Variants in EYA2 observed in about 807,000 individuals in gnomAD.
EYA2 encodes the protein EYA transcriptional coactivator and phosphatase 2.
Under a neutral mutation model 69.2 loss-of-function variants are expected in EYA2, and 31 were observed. That is an observed-to-expected ratio of 0.45 (90% CI 0.34 to 0.60). The LOEUF (loss-of-function observed/expected upper bound fraction) is 0.60. Ranked by LOEUF, EYA2 falls within the 20% of genes least tolerant of loss-of-function variation. The probability of loss-of-function intolerance (pLI) is 0.02; values close to 1 mark genes in which losing one functional copy is unlikely to be tolerated. For synonymous variants in EYA2, 257 were observed against 279.4 expected, an observed-to-expected ratio of 0.92 and a Z score of 0.80; for missense variants, 622 against 701.2, an observed-to-expected ratio of 0.89 and a Z score of 1.28.
intron 1 of EYA2, among the ~76,000 whole-genome samples, chr20:46,931,222 C>T (rs1041401175): frequency 6.6e-6 from 1 of 152,204 alleles, no homozygotes; most frequent in Admixed American, 6.5e-5. Flanking sequence ...AACTGTGCCA[C>T]GTGTTTTCAA....
At chr20:47,035,737 C>T (rs879473775) in intron 5 of EYA2, among the ~76,000 whole-genome samples, 8 of 151,884 alleles carry the variant, frequency 5.3e-5, no homozygotes, top group African/African-American at 1.9e-4. Flanking sequence ...AATACTGGGC[C>T]GGGCTTGGTG....
In EYA2 at chr20:47,183,360, A is replaced by G; in HGVS notation, c.1505A>G (p.Asp502Gly). 2 of 1,614,132 alleles carry G rather than the reference A, an allele frequency of 1.2e-6. No individual in the cohort carries two copies. Among genetic ancestry groups the G allele is most frequent in the South Asian group, 1.1e-5 (1 of 91,076 alleles). ...AAAGCTGTCTACGTGGTGATCGGTG[A>G]TGGTGTGGAAGAGGAGCAAGGAGCG... ...GRKAVYVVIG[D>G]GVEEEQGAKK... Residue 502 changes from aspartate (D) to glycine (G), a missense_variant, in exon 15 of 16, where the codon GAT becomes GGT. Coordinates refer to ENST00000327619, the MANE Select transcript of EYA2 (RefSeq NM_005244.5).
Position 47,027,165 on chromosome 20 carries a change from G to C in EYA2, c.415+10868G>C, listed in dbSNP as rs377475404. Among the ~76,000 whole-genome samples, 3 of 152,228 alleles carry C rather than the reference G, an allele frequency of 2.0e-5. No homozygotes were observed. The South Asian group carries it at 6.2e-4, about 31-fold the overall frequency. On this transcript the variant is annotated intron_variant, in intron 5 of 15. Transcript: ENST00000327619. ...TTCAGAGAACTTGAGTGATAGGTGTGGCCATAGTTGAGAGTGGAGCCCAGT... is the reference window on the plus strand; with the variant it reads ...TTCAGAGAACTTGAGTGATAGGTGTCGCCATAGTTGAGAGTGGAGCCCAGT...
intron 5 of EYA2, among the ~76,000 whole-genome samples, chr20:47,022,533 C>T (rs1254043737): frequency 3.9e-5 from 6 of 151,948 alleles, no homozygotes; most frequent in African/African-American, 9.7e-5. Context: ...AGGCTGGTCT[C>T]GAACTCCTTA....
intron 9 of EYA2, among the ~76,000 whole-genome samples, chr20:47,134,135 C>A (rs1465319276): frequency 6.6e-6 from 1 of 152,194 alleles, no homozygotes; most frequent in Non-Finnish European, 1.5e-5. Context: ...CAAATGAAAT[C>A]AGCTAAATGG....
chr20:47,154,531 G>A (rs2033882709), intron 10 of EYA2, among the ~76,000 whole-genome samples: 1 of 152,020 alleles, frequency 6.6e-6, no homozygotes, highest in Admixed American at 6.5e-5. Flanking sequence ...TGGCTCCAGA[G>A]ACCCTGCCCT....
chr20:47,124,971 T>C (rs2033142046), intron 9 of EYA2, among the ~76,000 whole-genome samples: 1 of 151,880 alleles, frequency 6.6e-6, no homozygotes, highest in Non-Finnish European at 1.5e-5. Flanking sequence ...AATTTGACCA[T>C]GATTTCATCA....
chr20:46,995,225 T>C (rs1981943244), intron 2 of EYA2, among the ~76,000 whole-genome samples: 1 of 152,220 alleles, frequency 6.6e-6, no homozygotes, highest in Non-Finnish European at 1.5e-5. Context: ...AACAACTCCT[T>C]TGAAATAAAT....
chr20:47,143,640 T>C lies in EYA2; in HGVS notation c.978+492T>C, dbSNP rs76806845. Among the ~76,000 whole-genome samples the C allele has an allele frequency of 3.0e-3, 462 of 152,276 alleles. 8 individuals are homozygous for C. The East Asian group carries it at 0.056, about 19-fold the overall frequency. On this transcript the variant is annotated intron_variant, in intron 10 of 15. Coordinates refer to ENST00000327619, the MANE Select transcript of EYA2 (RefSeq NM_005244.5). ...AGGGAATATGCTTATTTAAAGTATC[T>C]GCTCCTGAGCCCGTAAGCAAGATCC...
intron 11 of EYA2, among the ~76,000 whole-genome samples, chr20:47,169,955 G>A (rs2034285311): frequency 6.6e-6 from 1 of 151,930 alleles, no homozygotes; most frequent in African/African-American, 2.4e-5. Flanking sequence ...ACCCAGGCTG[G>A]AGTGCAATGG....
intron 13 of EYA2, 138 bp from the exon 14 acceptor site, chr20:47,180,677 G>A: frequency 9.9e-7 from 1 of 1,015,226 alleles, no homozygotes; most frequent in Non-Finnish European, 1.5e-6. Context: ...AGAATCCTTG[G>A]GCCCTAACAT....
intron 1 of EYA2, among the ~76,000 whole-genome samples, chr20:46,929,345 G>T (rs2146248569): frequency 6.6e-6 from 1 of 151,918 alleles, no homozygotes; most frequent in African/African-American, 2.4e-5. Context: ...GGAGCACAGG[G>T]CTATTGATGG....
chr20:47,089,113 A>T, intron 7 of EYA2, 126 bp from the exon 8 acceptor site: 1 of 1,108,728 alleles, frequency 9.0e-7, no homozygotes, highest in Admixed American at 2.4e-5. Flanking sequence ...ATCCTACGAG[A>T]TCTTTGCCTC....
chr20:47,106,020 A>G (rs1296707228), intron 9 of EYA2, among the ~76,000 whole-genome samples: 1 of 152,212 alleles, frequency 6.6e-6, no homozygotes, highest in Non-Finnish European at 1.5e-5. Context: ...GGGCAGGTTT[A>G]TGAGCCTTGG....
intron 9 of EYA2, among the ~76,000 whole-genome samples, chr20:47,130,261 CTTTTTTT>C (rs74178703): frequency 2.5e-5 from 2 of 81,264 alleles, no homozygotes; most frequent in South Asian, 4.6e-4. Flanking sequence ...GGTTTATTTT[CTTTTTTT>C]TTTTTTTTTT....
At chr20:46,921,242 C>T (rs995131546) in intron 1 of EYA2, among the ~76,000 whole-genome samples, 15 of 152,222 alleles carry the variant, frequency 9.9e-5, no homozygotes, top group African/African-American at 3.6e-4. Flanking sequence ...GTAGGTGAGA[C>T]CAGGCAAGCA....
intron 10 of EYA2, among the ~76,000 whole-genome samples, chr20:47,154,819 T>TG (rs2033889072): frequency 7.1e-5 from 10 of 140,794 alleles, no homozygotes; most frequent in South Asian, 5.0e-4. Flanking sequence ...TTATTTTGTT[T>TG]TGTGTGTGTG....
intron 10 of EYA2, among the ~76,000 whole-genome samples, chr20:47,147,271 A>T (rs572881651): frequency 6.6e-6 from 1 of 151,586 alleles, no homozygotes; most frequent in Non-Finnish European, 1.5e-5. Flanking sequence ...GTGGTCTCGA[A>T]CTCCTGACCT....
chr20:47,013,552 C>T (rs567584415), intron 4 of EYA2, among the ~76,000 whole-genome samples: 1 of 152,306 alleles, frequency 6.6e-6, no homozygotes, highest in Non-Finnish European at 1.5e-5. Flanking sequence ...ATAGTAAAAA[C>T]TGGAATCAAC....
Sources: allele counts gnomAD v4.1 joint callset (sites outside exome capture counted in the v4.1 genomes callset), GRCh38; gene constraint gnomAD v4.1.1; transcripts MANE v1.5; gene names NCBI Gene and HGNC (gene_info 2026-07-23, HGNC 2026-07-21).